Variants in ASXL3 observed in about 807,000 individuals in gnomAD.
ASXL3 encodes putative Polycomb group protein ASXL3.
A neutral mutation model predicts 170.6 loss-of-function variants in ASXL3; 34 were observed. That is an observed-to-expected ratio of 0.20 (90% CI 0.15 to 0.27). The LOEUF (loss-of-function observed/expected upper bound fraction) is 0.27. Among genes scored for constraint, ASXL3 ranks in the 10% least tolerant of loss-of-function variants. The pLI is 1.00. For synonymous variants in ASXL3, 1,002 were observed against 989.1 expected (o/e 1.01, Z -0.24); for missense variants, 2,592 against 2,695.3 (o/e 0.96, Z 0.85).
At chr18:33,670,890 C>A in intron 6 of ASXL3, 100 bp downstream of exon 6, 1 of 698,380 alleles carries the variant, frequency 1.4e-6, no homozygotes, top group Non-Finnish European at 2.2e-6. Flanking sequence ...CTGAATAATA[C>A]TTCCACTTGA....
intron 2 of ASXL3, among the ~76,000 whole-genome samples, chr18:33,617,635 A>G (rs1011054102): frequency 6.6e-6 from 1 of 152,184 alleles, no homozygotes; most frequent in African/African-American, 2.4e-5. Flanking sequence ...CTATGCAATT[A>G]TAGCCACGAA....
chr18:33,581,576 G>T (rs1184016361), intron 1 of ASXL3, among the ~76,000 whole-genome samples: 3 of 152,006 alleles, frequency 2.0e-5, no homozygotes, highest in Non-Finnish European at 4.4e-5. Flanking sequence ...AAAAGCTTAT[G>T]TATAAATGTG....
At position 33,644,947 on chromosome 18, in the gene ASXL3, T is replaced by C; in HGVS notation, c.191T>C (p.Ile64Thr). Residue 64 changes from isoleucine (I) to threonine (T), a missense_variant, in exon 3 of 12, where the codon ATA becomes ACA. By Grantham distance (89) the Ile-to-Thr change is moderately conservative (BLOSUM62 -1). Around this residue, in one of 4 missense-constraint regions of ASXL3, gnomAD observed 251 missense variants for 281.9 expected, o/e 0.89. Coordinates refer to ENST00000269197, the MANE Select transcript of ASXL3 (RefSeq NM_030632.3). ...LNAMLHTNTR[I>T]GDGTFFKIPG... Reference sequence around the variant, plus strand: ...GCAATGCTTCACACTAACACTCGAATAGGGGATGGAACATTCTTCAAAATC... The same window carrying C: ...GCAATGCTTCACACTAACACTCGAACAGGGGATGGAACATTCTTCAAAATC... 1 of 1,584,110 alleles carries C rather than the reference T, an allele frequency of 6.3e-7. No homozygotes were observed. Among genetic ancestry groups the C allele is most frequent in the Non-Finnish European group, 8.6e-7 (1 of 1,163,588 alleles).
Position 33,746,289 on chromosome 18 carries a change from A to G in ASXL3, c.6441A>G (p.Gln2147=), listed in dbSNP as rs755857123. Residue 2147 remains glutamine (Q), a synonymous_variant, in exon 12 of 12, where the codon CAA becomes CAG. Coordinates refer to ENST00000269197, the MANE Select transcript of ASXL3 (RefSeq NM_030632.3). ...LAAQKMQVQQ[Q]QQLCGNYPTI... is the part of the protein sequence containing the mutation. ...CTCAGAAAATGCAGGTGCAGCAACA[A>G]CAGCAGCTCTGTGGAAATTATCCAA... 3.0e-5 allele frequency: 49 copies of G among 1,613,924 alleles called. No individual in the cohort carries two copies. Among genetic ancestry groups the G allele is most frequent in the Non-Finnish European group, 3.7e-5 (44 of 1,179,902 alleles).
intron 9 of ASXL3, among the ~76,000 whole-genome samples, chr18:33,733,561 CTG>C (rs1248467774): frequency 6.6e-6 from 1 of 152,166 alleles, no homozygotes; most frequent in Non-Finnish European, 1.5e-5. Context: ...TTACTTCACT[CTG>C]TTGTCAGACC....
intron 4 of ASXL3, among the ~76,000 whole-genome samples, chr18:33,654,187 A>G (rs1003272382): frequency 1.3e-5 from 2 of 152,054 alleles, no homozygotes; most frequent in African/African-American, 4.8e-5. Flanking sequence ...ACAGATCAAG[A>G]ACAGAATATG....
chr18:33,704,763 G>T (rs1668155220), intron 8 of ASXL3, among the ~76,000 whole-genome samples: 1 of 151,814 alleles, frequency 6.6e-6, no homozygotes, highest in Admixed American at 6.6e-5. Flanking sequence ...TAATATTTTA[G>T]TACCAAGATC....
intron 8 of ASXL3, among the ~76,000 whole-genome samples, chr18:33,684,147 C>T (rs1007776855): frequency 6.6e-6 from 1 of 151,954 alleles, no homozygotes; most frequent in African/African-American, 2.4e-5. Context: ...TAATGGCAGC[C>T]ATCAATCATC....
At chr18:33,586,928 A>G (rs565886156) in intron 1 of ASXL3, among the ~76,000 whole-genome samples, 1 of 152,202 alleles carries the variant, frequency 6.6e-6, no homozygotes, top group Non-Finnish European at 1.5e-5. Context: ...CCCTAAGCAC[A>G]TGGTGTCCAG....
intron 2 of ASXL3, among the ~76,000 whole-genome samples, chr18:33,636,471 A>G (rs2065767701): frequency 6.6e-6 from 1 of 152,146 alleles, no homozygotes; most frequent in South Asian, 2.1e-4. Flanking sequence ...GTGTAGGCCG[A>G]ATTGGACCTG....
chr18:33,627,451 G>T (rs185483513), intron 2 of ASXL3, among the ~76,000 whole-genome samples: 14 of 152,242 alleles, frequency 9.2e-5, no homozygotes. Context: ...AAAATCCTAT[G>T]TAATATTAGA....
At chr18:33,726,324 T>C (rs1025539917) in intron 8 of ASXL3, among the ~76,000 whole-genome samples, 4 of 152,140 alleles carry the variant, frequency 2.6e-5, no homozygotes, top group Non-Finnish European at 4.4e-5. Context: ...CAAGCTACTA[T>C]CATTTTTTTC....
intron 2 of ASXL3, among the ~76,000 whole-genome samples, chr18:33,639,269 T>G (rs1411877570): frequency 1.3e-5 from 2 of 152,060 alleles, no homozygotes; most frequent in Non-Finnish European, 2.9e-5. Context: ...CATTTTAGAG[T>G]CAAGGGACCT....
chr18:33,656,007 GT>G (rs1207409837), intron 4 of ASXL3, among the ~76,000 whole-genome samples: 1 of 151,762 alleles, frequency 6.6e-6, no homozygotes, highest in Non-Finnish European at 1.5e-5. Context: ...CTTTTTCACT[GT>G]TTTTCCCCCA....
chr18:33,578,522 C>T lies in ASXL3; in HGVS notation c.-110C>T, dbSNP rs1317042901. The T allele has an allele frequency of 1.8e-6, 1 of 570,168 alleles. No homozygotes were observed. The highest frequency in any genetic ancestry group is 9.6e-5 in the East Asian group (1 of 10,384). 35.3% of individuals were successfully genotyped at this position (570,168 alleles called of 1,614,324 possible). ...GCCACCGCCCGCGCGCCTCCCCCCG[C>T]GGAGCGAGTGCGGGTCACCGGGTCA... On this transcript the variant is annotated 5_prime_UTR_variant, in exon 1 of 12. Coordinates refer to ENST00000269197, the MANE Select transcript of ASXL3 (RefSeq NM_030632.3).
At position 33,743,235 on chromosome 18, in the gene ASXL3, G is replaced by C; in HGVS notation, c.3387G>C (p.Leu1129Phe). 1 of 1,613,938 alleles carries C rather than the reference G, an allele frequency of 6.2e-7. No homozygotes were observed. Among genetic ancestry groups the C allele is most frequent in the Non-Finnish European group, 8.5e-7 (1 of 1,179,856 alleles). The change falls in exon 12 of 12, where the codon TTG becomes TTC. Residue 1129 changes from leucine (L) to phenylalanine (F), a missense_variant. Physicochemically the swap from Leu to Phe is conservative, Grantham distance 22 (BLOSUM62 0). This residue lies in a region of ASXL3 where 2,246 missense variants were observed against 2,219.6 expected (regional missense o/e 1.01). Transcript: ENST00000269197. Reference protein sequence around the residue: ...HLFQTSKETRLPPPLSSKEGP... With the variant: ...HLFQTSKETRFPPPLSSKEGP... Reference sequence around the variant, plus strand: ...TCCAGACCTCTAAAGAGACCCGGTTGCCTCCTCCGCTCAGCTCAAAGGAAG... The same window carrying C: ...TCCAGACCTCTAAAGAGACCCGGTTCCCTCCTCCGCTCAGCTCAAAGGAAG...
intron 1 of ASXL3, among the ~76,000 whole-genome samples, chr18:33,593,101 A>G (rs1275217028): frequency 6.6e-6 from 1 of 152,076 alleles, no homozygotes; most frequent in Non-Finnish European, 1.5e-5. Flanking sequence ...GCACCTGGAC[A>G]TTTTAAATGA....
intron 4 of ASXL3, among the ~76,000 whole-genome samples, chr18:33,646,887 G>T (rs1418923587): frequency 6.8e-6 from 1 of 146,088 alleles, no homozygotes; most frequent in Non-Finnish European, 1.5e-5. Flanking sequence ...GAGCGGGGGG[G>T]GGGGGCATTT....
At position 33,739,034 on chromosome 18, in the gene ASXL3, A is replaced by G; in HGVS notation, c.1630A>G (p.Ile544Val). The change falls in exon 11 of 12, where the codon ATT becomes GTT. Residue 544 changes from isoleucine (I) to valine (V), a missense_variant. This residue lies in a region of ASXL3 where 2,246 missense variants were observed against 2,219.6 expected (regional missense o/e 1.01). Transcript: ENST00000269197. ...TCAGTTAGAAGTCTGTGACTCTCTTATTCCTTCCACTTCATCTATGACTCA... is the reference window on the plus strand; with the variant it reads ...TCAGTTAGAAGTCTGTGACTCTCTTGTTCCTTCCACTTCATCTATGACTCA... Reference protein sequence around the residue: ...IDQLEVCDSLIPSTSSMTHVS... With the variant: ...IDQLEVCDSLVPSTSSMTHVS... The G allele has an allele frequency of 6.2e-7, 1 of 1,613,542 alleles. No individual in the cohort carries two copies. Among genetic ancestry groups the G allele is most frequent in the Non-Finnish European group, 8.5e-7 (1 of 1,179,700 alleles).
Sources: gnomAD v4.1 joint callset for allele counts (sites outside exome capture counted in the v4.1 genomes callset) on GRCh38, gnomAD v4.1.1 for gene constraint, gnomAD v4.1.1 regional missense constraint, MANE v1.5 for transcripts, NCBI Gene and HGNC (gene_info 2026-07-23, HGNC 2026-07-21) for gene names.